The following SEZ6L variants were observed in gnomAD, a reference collection of about 807,000 sequenced individuals.
SEZ6L encodes the protein seizure related 6 homolog like, also known as seizure 6-like protein.
A neutral mutation model predicts 106.2 loss-of-function variants in SEZ6L; 37 were observed. That is an observed-to-expected ratio of 0.35 (90% CI 0.27 to 0.46). The LOEUF is 0.46. SEZ6L is among the 20% of genes least tolerant of loss of function. The pLI is 1.00. For synonymous variants in SEZ6L, 541 were observed against 570.4 expected (o/e 0.95, Z 0.73); for missense variants, 1,172 against 1,332.8 (o/e 0.88, Z 1.88).
rs1476333123 is a variant in SEZ6L, at chr22:26,292,214, AAG to A, written c.95-188_95-187del. On this transcript the variant is annotated intron_variant, in intron 1 of 16. Transcript: ENST00000248933. ...AGGGTGGGAGGAAAAGAAGGAAGAA[AAG>A]AGAAAGAGGGAGAGAGGGAAGGAGG... is the stretch of plus-strand genomic sequence containing the variant. The A allele has an allele frequency of 1.9e-5, 10 of 520,018 alleles. No homozygotes were observed. In the East Asian group the frequency reaches 3.1e-4, roughly 16 times the overall value. The allele number at this position is 520,018 out of a possible 1,614,324, so 32.2% of individuals were successfully genotyped here.
At chr22:26,265,070 T>C (rs1322691647) in intron 1 of SEZ6L, among the ~76,000 whole-genome samples, 1 of 152,138 alleles carries the variant, frequency 6.6e-6, no homozygotes, top group African/African-American at 2.4e-5. Context: ...CTCCCCCTCT[T>C]AGCCCCCACT....
intron 12 of SEZ6L, among the ~76,000 whole-genome samples, chr22:26,362,683 G>A (rs1302215583): frequency 6.6e-6 from 1 of 152,138 alleles, no homozygotes; most frequent in Non-Finnish European, 1.5e-5. Flanking sequence ...AAATGCATGG[G>A]TGCCCGCCAG....
At chr22:26,257,559 A>T (rs1478233588) in intron 1 of SEZ6L, among the ~76,000 whole-genome samples, 1 of 152,206 alleles carries the variant, frequency 6.6e-6, no homozygotes, top group East Asian at 1.9e-4. Context: ...GGGAGCTCCC[A>T]ATAATCAAAG....
chr22:26,235,076 C>T (rs2078917828), intron 1 of SEZ6L, among the ~76,000 whole-genome samples: 3 of 152,192 alleles, frequency 2.0e-5, no homozygotes, highest in Admixed American at 2.0e-4. Context: ...TATGCCTTTG[C>T]CTTCTCTTCC....
chr22:26,180,660 T>C (rs545906098), intron 1 of SEZ6L, among the ~76,000 whole-genome samples: 93 of 152,274 alleles, frequency 6.1e-4, no homozygotes, highest in Admixed American at 2.2e-3. Flanking sequence ...CTGGTGTATT[T>C]AGACATTTAA....
Position 26,373,485 on chromosome 22 carries a change from T to C in SEZ6L, c.2827+2T>C, listed in dbSNP as rs760499438. The C allele has an allele frequency of 3.2e-6, 5 of 1,584,872 alleles. No individual in the cohort carries two copies. Among genetic ancestry groups the C allele is most frequent in the Non-Finnish European group, 4.3e-6 (5 of 1,170,490 alleles). ...ACAGTTTTGAACATGCTTTAGAAGG[T>C]GAGTTCCAGAACGAAAAAAAAAAAA... On this transcript the variant is annotated splice_donor_variant, in intron 14 of 16. Coordinates refer to ENST00000248933, the MANE Select transcript of SEZ6L (RefSeq NM_021115.5). LOFTEE classifies it high-confidence loss of function.
At chr22:26,192,641 C>G (rs1940307209) in intron 1 of SEZ6L, among the ~76,000 whole-genome samples, 1 of 152,066 alleles carries the variant, frequency 6.6e-6, no homozygotes, top group Non-Finnish European at 1.5e-5. Context: ...TTTTCTTTTA[C>G]TATTTTGGAG....
At chr22:26,363,862 A>T (rs1401217334) in intron 12 of SEZ6L, among the ~76,000 whole-genome samples, 2 of 152,230 alleles carry the variant, frequency 1.3e-5, no homozygotes, top group African/African-American at 4.8e-5. Context: ...ACATCTTGCA[A>T]CCTAGATGAA....
intron 10 of SEZ6L, among the ~76,000 whole-genome samples, chr22:26,341,749 T>TTC (rs2082843948): frequency 1.3e-5 from 2 of 152,174 alleles, no homozygotes; most frequent in South Asian, 4.1e-4. Context: ...CTCTCCTGGT[T>TTC]TCTCAGGCTG....
At chr22:26,320,953 T>C (rs747337043) in intron 9 of SEZ6L, among the ~76,000 whole-genome samples, 1 of 152,050 alleles carries the variant, frequency 6.6e-6, no homozygotes, top group Non-Finnish European at 1.5e-5. Context: ...ACCCAAAATA[T>C]CAACGGTGTT....
intron 11 of SEZ6L, among the ~76,000 whole-genome samples, chr22:26,349,102 A>T (rs2083187775): frequency 6.6e-6 from 1 of 152,188 alleles, no homozygotes; most frequent in South Asian, 2.1e-4. Context: ...AAAGTGGGCA[A>T]ATAAATTTGA....
chr22:26,375,724 C>G (rs750375577), intron 15 of SEZ6L, 35 bp downstream of exon 15: 17 of 1,529,232 alleles, frequency 1.1e-5, no homozygotes, highest in Non-Finnish European at 1.5e-5. Context: ...CTGCCAAGCA[C>G]CCAGCCACCA....
intron 9 of SEZ6L, among the ~76,000 whole-genome samples, chr22:26,327,652 C>T (rs1601513972): frequency 6.7e-6 from 1 of 149,316 alleles, no homozygotes; most frequent in Non-Finnish European, 1.5e-5. Flanking sequence ...CCACATGACA[C>T]ACCACGCCCA....
At chr22:26,324,678 C>T (rs2082257058) in intron 9 of SEZ6L, among the ~76,000 whole-genome samples, 1 of 152,194 alleles carries the variant, frequency 6.6e-6, no homozygotes, top group South Asian at 2.1e-4. Flanking sequence ...CTCAGATCTT[C>T]TGGCCCATTA....
chr22:26,350,447 C>T (rs2083237739), intron 11 of SEZ6L, among the ~76,000 whole-genome samples: 1 of 151,500 alleles, frequency 6.6e-6, no homozygotes, highest in Non-Finnish European at 1.5e-5. Flanking sequence ...AGGCTGGTCT[C>T]AAACTCCTGA....
intron 9 of SEZ6L, among the ~76,000 whole-genome samples, chr22:26,332,145 ATGTTTTT>A (rs1284463442): frequency 3.0e-4 from 36 of 121,752 alleles, no homozygotes; most frequent in African/African-American, 1.1e-3. Flanking sequence ...AGGATTTTCA[ATGTTTTT>A]TTTTTTTTTT....
intron 1 of SEZ6L, among the ~76,000 whole-genome samples, chr22:26,255,706 G>A (rs5761451): frequency 6.6e-6 from 1 of 152,310 alleles, no homozygotes; most frequent in Middle Eastern, 3.4e-3. Flanking sequence ...CTCCAGCATA[G>A]CAAAAGCATC....
In SEZ6L at chr22:26,335,533, T is replaced by C. The variant is rs2082619159; in HGVS notation, c.2016-4903T>C. 2.0e-5 allele frequency among the ~76,000 whole-genome samples: 3 copies of C among 152,198 alleles called. No individual in the cohort carries two copies. In the South Asian group the frequency reaches 6.2e-4, roughly 32 times the overall value. On this transcript the variant is annotated intron_variant, in intron 9 of 16. Transcript: ENST00000248933. ...AGAATGCTGATTTTTTTTCTGTCTTTAATAGGATATTAAATGTGTGAAAGT... is the reference window on the plus strand; with the variant it reads ...AGAATGCTGATTTTTTTTCTGTCTTCAATAGGATATTAAATGTGTGAAAGT...
chr22:26,375,696 A>G lies in SEZ6L; in HGVS notation c.2942+7A>G. ...CCTACATTTACATCACAAGGTAGGGAGCTGATGGGGGAGATGACTGCCAAG... is the reference window on the plus strand; with the variant it reads ...CCTACATTTACATCACAAGGTAGGGGGCTGATGGGGGAGATGACTGCCAAG... On this transcript the variant is annotated splice_region_variant and intron_variant, in intron 15 of 16. Transcript: ENST00000248933. 1 of 1,605,028 alleles carries G rather than the reference A, an allele frequency of 6.2e-7. No homozygotes were observed. Among genetic ancestry groups the G allele is most frequent in the Non-Finnish European group, 8.5e-7 (1 of 1,172,890 alleles).
Sources: gnomAD v4.1 joint callset for allele counts (sites outside exome capture counted in the v4.1 genomes callset) on GRCh38, gnomAD v4.1.1 for gene constraint, MANE v1.5 for transcripts, NCBI Gene and HGNC (gene_info 2026-07-23, HGNC 2026-07-21) for gene names.